Variants in PPP6R3 observed in about 807,000 individuals in gnomAD.
The protein encoded by PPP6R3 is serine/threonine-protein phosphatase 6 regulatory subunit 3.
In PPP6R3, 38 loss-of-function variants were observed where a neutral mutation model predicts 110.7. That is an observed-to-expected ratio of 0.34 (90% CI 0.26 to 0.45). The LOEUF (loss-of-function observed/expected upper bound fraction) is 0.45, where lower values mean the gene tolerates loss of function less well. PPP6R3 is among the 20% of genes least tolerant of loss of function. PPP6R3 has a pLI of 1.00. For synonymous variants in PPP6R3, 369 were observed against 373.5 expected, an observed-to-expected ratio of 0.99 and a Z score of 0.14; for missense variants, 870 against 1,062.4, an observed-to-expected ratio of 0.82 and a Z score of 2.52.
chr11:68,511,402 A>G (rs2099108620), intron 1 of PPP6R3, among the ~76,000 whole-genome samples: 2 of 151,770 alleles, frequency 1.3e-5, no homozygotes, highest in Non-Finnish European at 2.9e-5. Context: ...GGTATAAATT[A>G]CAAATACTTT....
chr11:68,583,605 C>T (rs183053595), intron 15 of PPP6R3, among the ~76,000 whole-genome samples: 1 of 152,250 alleles, frequency 6.6e-6, no homozygotes, highest in Admixed American at 6.5e-5. Context: ...CATTGCAACC[C>T]CTCTCTGCCT....
chr11:68,612,955 C>G, intron 23 of PPP6R3, 111 bp from the exon 24 acceptor site: 1 of 1,546,546 alleles, frequency 6.5e-7, no homozygotes, highest in South Asian at 1.2e-5. Flanking sequence ...TTACTAAGTT[C>G]AAAACAATGT....
intron 22 of PPP6R3, among the ~76,000 whole-genome samples, chr11:68,605,380 AAGAGACCCCC>A (rs559983383): frequency 6.6e-6 from 1 of 152,282 alleles, no homozygotes; most frequent in South Asian, 2.1e-4. Flanking sequence ...GAATTATACA[AAGAGACCCCC>A]TCCACTACAT....
At chr11:68,464,457 A>C (rs911737880) in intron 1 of PPP6R3, among the ~76,000 whole-genome samples, 5 of 152,148 alleles carry the variant, frequency 3.3e-5, no homozygotes. Context: ...GAAGCTTCTC[A>C]GACAATACTG....
At chr11:68,596,805 A>T (rs1241597643) in intron 19 of PPP6R3, among the ~76,000 whole-genome samples, 4 of 152,242 alleles carry the variant, frequency 2.6e-5, no homozygotes, top group African/African-American at 9.6e-5. Flanking sequence ...TGAAGGAGCC[A>T]TATGGGCTGA....
chr11:68,534,457 A>G (rs2099258788), intron 2 of PPP6R3, among the ~76,000 whole-genome samples: 1 of 152,178 alleles, frequency 6.6e-6, no homozygotes, highest in African/African-American at 2.4e-5. Context: ...TTATTTCATC[A>G]CAACTAATTA....
At chr11:68,467,592 T>C (rs1032938824) in intron 1 of PPP6R3, among the ~76,000 whole-genome samples, 1 of 152,200 alleles carries the variant, frequency 6.6e-6, no homozygotes, top group Non-Finnish European at 1.5e-5. Flanking sequence ...CATGTCACAC[T>C]GAGACCCTAA....
At chr11:68,478,646 A>AGTT (rs1565292862) in intron 1 of PPP6R3, among the ~76,000 whole-genome samples, 7 of 10,754 alleles carry the variant, frequency 6.5e-4, no homozygotes, top group Non-Finnish European at 1.0e-3. Flanking sequence ...GCACTTGGTA[A>AGTT]GTTTTTTTTT....
At chr11:68,479,714 T>G (rs1023244178) in intron 1 of PPP6R3, among the ~76,000 whole-genome samples, 3 of 152,146 alleles carry the variant, frequency 2.0e-5, no homozygotes, top group Admixed American at 6.6e-5. Flanking sequence ...TTCTTATTTC[T>G]TATCCTTTCT....
intron 1 of PPP6R3, among the ~76,000 whole-genome samples, chr11:68,473,915 T>C (rs2098809948): frequency 6.6e-6 from 1 of 152,214 alleles, no homozygotes; most frequent in South Asian, 2.1e-4. Flanking sequence ...GGTGTATACG[T>C]AGGAGTGGAA....
chr11:68,522,041 A>T lies in PPP6R3; in HGVS notation c.-7+2390A>T, dbSNP rs531279980. The stretch of plus-strand genomic sequence containing the variant: ...ACATTCTCTATCAGTCCCCAAGCAT[A>T]TTACTTCAGTTGAGTATATTCATTA... On this transcript the variant is annotated intron_variant, in intron 2 of 23. Coordinates refer to ENST00000393800, the MANE Select transcript of PPP6R3 (RefSeq NM_001164161.2). Among the ~76,000 whole-genome samples the T allele has an allele frequency of 1.6e-3, 248 of 152,336 alleles. 3 individuals carry two copies. The highest frequency in any genetic ancestry group is 0.01 in the Middle Eastern group (3 of 294).
chr11:68,509,286 T>C (rs2099095311), intron 1 of PPP6R3, among the ~76,000 whole-genome samples: 12 of 152,172 alleles, frequency 7.9e-5, no homozygotes, highest in Admixed American at 7.9e-4. Flanking sequence ...GTGGCTTAGC[T>C]TTTTTTAGTG....
rs775861257 is a variant in PPP6R3, at chr11:68,603,329, G to T, written c.2300-13G>T. 2.5e-6 allele frequency: 4 copies of T among 1,613,354 alleles called. No homozygotes were observed. Among genetic ancestry groups the T allele is most frequent in the Non-Finnish European group, 3.4e-6 (4 of 1,179,880 alleles). ...GGCTTGCTGTGTGTGACCATCAGCT[G>T]TGTTCTTTTCAGCGGCAGGCAGTGT... On this transcript the variant is annotated splice_polypyrimidine_tract_variant and intron_variant, in intron 21 of 23. Transcript: ENST00000393800.
rs201464204 is a variant in PPP6R3 at position 68,554,330 on chromosome 11, G to A, written c.731+73G>A. On this transcript the variant is annotated intron_variant, in intron 7 of 23. Coordinates refer to ENST00000393800, the MANE Select transcript of PPP6R3 (RefSeq NM_001164161.2). Reference sequence around the variant, plus strand: ...CCATGTGTTACCATTGTGAGTGATTGGTAAGTGTTCCTTATGTGGGAATCA... The same window carrying A: ...CCATGTGTTACCATTGTGAGTGATTAGTAAGTGTTCCTTATGTGGGAATCA... The A allele has an allele frequency of 3.2e-5, 39 of 1,202,042 alleles. 1 individual carries two copies. The East Asian group carries it at 8.6e-4, about 27-fold the overall frequency. 74.5% of individuals were successfully genotyped at this position (1,202,042 alleles called of 1,614,324 possible).
At position 68,609,990 on chromosome 11, in the gene PPP6R3, C is replaced by T. The variant is rs777939196; in HGVS notation, c.2537C>T (p.Ala846Val). ...GAGACTGCAGAGGCGAAGTGCGCGG[C>T]GCCCAGGCCTCCCAGCAGCAGTCCC... ...CPETAEAKCA[A>V]PRPPSSSPEQ... The change falls in exon 23 of 24, where the codon GCG becomes GTG. Residue 846 changes from alanine (A) to valine (V), a missense_variant. Ala to Val is a moderately conservative substitution (Grantham distance 64). Transcript: ENST00000393800. The T allele has an allele frequency of 1.4e-5, 23 of 1,614,122 alleles. No individual in the cohort carries two copies. The Admixed American group carries it at 1.5e-4, about 11-fold the overall frequency.
intron 3 of PPP6R3, among the ~76,000 whole-genome samples, chr11:68,540,045 G>A (rs1372777890): frequency 6.6e-6 from 1 of 152,212 alleles, no homozygotes; most frequent in Non-Finnish European, 1.5e-5. Flanking sequence ...GTGAATGAGG[G>A]AAAATGGAAG....
chr11:68,567,639 A>G (rs1330554082), intron 10 of PPP6R3, among the ~76,000 whole-genome samples: 2 of 152,218 alleles, frequency 1.3e-5, no homozygotes, highest in African/African-American at 2.4e-5. Context: ...GGAAAAGCCC[A>G]GGGATGATTT....
chr11:68,555,850 A>G (rs947010335), intron 7 of PPP6R3, among the ~76,000 whole-genome samples: 3 of 152,350 alleles, frequency 2.0e-5, no homozygotes, highest in Middle Eastern at 3.4e-3. Context: ...ATTGCATTTA[A>G]CAGTGGAAAG....
At chr11:68,487,333 C>A (rs7117148) in intron 1 of PPP6R3, among the ~76,000 whole-genome samples, 152,174 of 152,174 alleles carry the variant, frequency 1, 76,087 homozygotes, top group Non-Finnish European at 1. Context: ...CGGGCGGATC[C>A]CTTGAGCCCA....
Sources: gnomAD v4.1 joint callset for allele counts (sites outside exome capture counted in the v4.1 genomes callset) on GRCh38, gnomAD v4.1.1 for gene constraint, MANE v1.5 for transcripts, NCBI Gene and HGNC (gene_info 2026-07-23, HGNC 2026-07-21) for gene names.